Variants in PHACTR1 observed in about 807,000 individuals in gnomAD.
PHACTR1 encodes RPEL repeat containing 1.
Under a neutral mutation model 69.2 loss-of-function variants are expected in PHACTR1, and 16 were observed. The observed-to-expected ratio is 0.23, with a 90% CI of 0.16 to 0.35. The LOEUF is 0.35. Ranked by LOEUF, PHACTR1 falls within the 10% of genes least tolerant of loss-of-function variation. PHACTR1 has a pLI of 1.00. For missense variants in PHACTR1, 510 were observed against 734.7 expected, an observed-to-expected ratio of 0.69 and a Z score of 3.54; for synonymous variants, 312 against 284.5, an observed-to-expected ratio of 1.10 and a Z score of -0.97.
chr6:13,259,024 G>C (rs1775565072), intron 10 of PHACTR1, among the ~76,000 whole-genome samples: 1 of 152,182 alleles, frequency 6.6e-6, no homozygotes, highest in Non-Finnish European at 1.5e-5. Context: ...CAAATCTCCT[G>C]AGTCACTTTA....
At chr6:12,994,402 C>A (rs986804812) in intron 4 of PHACTR1, among the ~76,000 whole-genome samples, 1 of 152,106 alleles carries the variant, frequency 6.6e-6, no homozygotes, top group Admixed American at 6.5e-5. Flanking sequence ...GGCACCCTGT[C>A]TGAAATATTT....
chr6:13,231,636 C>G (rs1465761400), intron 10 of PHACTR1, among the ~76,000 whole-genome samples: 3 of 152,210 alleles, frequency 2.0e-5, no homozygotes, highest in Admixed American at 6.5e-5. Flanking sequence ...TCCACTGGGA[C>G]TCATTTTGAG....
chr6:13,018,192 G>A (rs1489836844), intron 4 of PHACTR1, among the ~76,000 whole-genome samples: 1 of 152,138 alleles, frequency 6.6e-6, no homozygotes, highest in Admixed American at 6.6e-5. Context: ...GAGTTCCTGT[G>A]GATCACATCC....
At chr6:13,188,345 G>A (rs972032660) in intron 7 of PHACTR1, among the ~76,000 whole-genome samples, 3 of 152,154 alleles carry the variant, frequency 2.0e-5, no homozygotes, top group Admixed American at 6.5e-5. Flanking sequence ...ACCCTGTTCT[G>A]TTACTAATTG....
At chr6:12,801,275 G>A (rs1316481249) in intron 4 of PHACTR1, among the ~76,000 whole-genome samples, 1 of 152,180 alleles carries the variant, frequency 6.6e-6, no homozygotes, top group Non-Finnish European at 1.5e-5. Flanking sequence ...TGTTGATAAA[G>A]CCTCATTGTG....
chr6:12,789,465 G>A (rs1771957705), intron 4 of PHACTR1, among the ~76,000 whole-genome samples: 1 of 151,858 alleles, frequency 6.6e-6, no homozygotes, highest in Non-Finnish European at 1.5e-5. Context: ...CTCCCTCAAT[G>A]ATCTCAATTG....
Position 12,933,709 on chromosome 6 carries a change from C to T in PHACTR1, c.251-119656C>T, listed in dbSNP as rs147375626. ...CAACTCTTGGGCGTCCTCTTGGGCTCGAACTGTGTTCCCTGGAAAACCACG... is the reference window on the plus strand; with the variant it reads ...CAACTCTTGGGCGTCCTCTTGGGCTTGAACTGTGTTCCCTGGAAAACCACG... On this transcript the variant is annotated intron_variant, in intron 4 of 14. Transcript: ENST00000332995. The T allele has an allele frequency of 5.5e-5, 89 of 1,612,808 alleles. 1 individual carries two copies. The East Asian group carries it at 9.4e-4, about 17-fold the overall frequency.
At chr6:13,004,868 C>A (rs1798590944) in intron 4 of PHACTR1, among the ~76,000 whole-genome samples, 1 of 152,082 alleles carries the variant, frequency 6.6e-6, no homozygotes, top group African/African-American at 2.4e-5. Context: ...AAGGGAAACA[C>A]CTCAAACCTT....
intron 4 of PHACTR1, among the ~76,000 whole-genome samples, chr6:12,840,354 T>G (rs1778570840): frequency 6.6e-6 from 1 of 152,234 alleles, no homozygotes; most frequent in Admixed American, 6.5e-5. Context: ...GCCATTATCT[T>G]GGCATATCTA....
chr6:13,062,203 G>C (rs1456362655), intron 5 of PHACTR1, among the ~76,000 whole-genome samples: 1 of 152,172 alleles, frequency 6.6e-6, no homozygotes, highest in East Asian at 1.9e-4. Flanking sequence ...TGATGTAATA[G>C]TATGTATGCA....
intron 8 of PHACTR1, among the ~76,000 whole-genome samples, chr6:13,224,548 G>T (rs764716252): frequency 4.6e-5 from 7 of 152,052 alleles, no homozygotes; most frequent in Non-Finnish European, 8.8e-5. Flanking sequence ...CCTTCCTTTC[G>T]GAATGAGAGC....
At chr6:12,723,070 A>G (rs1264241912) in intron 3 of PHACTR1, among the ~76,000 whole-genome samples, 1 of 152,218 alleles carries the variant, frequency 6.6e-6, no homozygotes, top group Non-Finnish European at 1.5e-5. Context: ...ATATTATAAA[A>G]TCACAAAATT....
chr6:12,990,448 T>A (rs1796691072), intron 4 of PHACTR1, among the ~76,000 whole-genome samples: 1 of 152,130 alleles, frequency 6.6e-6, no homozygotes, highest in African/African-American at 2.4e-5. Flanking sequence ...CAGGAATGAA[T>A]TTCACTCGCT....
At chr6:13,077,588 T>A (rs988558401) in intron 5 of PHACTR1, among the ~76,000 whole-genome samples, 2 of 152,212 alleles carry the variant, frequency 1.3e-5, no homozygotes, top group African/African-American at 4.8e-5. Flanking sequence ...TGGAAAGCAG[T>A]AACAGCTACA....
intron 5 of PHACTR1, among the ~76,000 whole-genome samples, chr6:13,080,869 A>C (rs1452540196): frequency 2.6e-5 from 4 of 151,878 alleles, no homozygotes; most frequent in Non-Finnish European, 5.9e-5. Flanking sequence ...TTCGTAAAAG[A>C]AAAAAAAAGT....
intron 4 of PHACTR1, among the ~76,000 whole-genome samples, chr6:13,017,253 A>G (rs1250513003): frequency 6.6e-6 from 1 of 151,720 alleles, no homozygotes; most frequent in Non-Finnish European, 1.5e-5. Flanking sequence ...CCTACCATCA[A>G]GTTGATTTTT....
In PHACTR1 at chr6:12,796,587, C is replaced by T. The variant is rs187508984; in HGVS notation, c.250+46797C>T. ...ATCTTTGATTTTATGGTCGGATTCC[C>T]CACATATCTGCTAGGCATTGGTGTG... On this transcript the variant is annotated intron_variant, in intron 4 of 14. Coordinates refer to ENST00000332995, the MANE Select transcript of PHACTR1 (RefSeq NM_030948.6). Among the ~76,000 whole-genome samples, 72 of 152,234 alleles carry T rather than the reference C, an allele frequency of 4.7e-4. No individual in the cohort carries two copies. In the Middle Eastern group the frequency reaches 0.01, roughly 22 times the overall value.
At chr6:13,167,277 G>A (rs1483730918) in intron 6 of PHACTR1, among the ~76,000 whole-genome samples, 1 of 152,234 alleles carries the variant, frequency 6.6e-6, no homozygotes, top group Non-Finnish European at 1.5e-5. Context: ...TTTGTAGAAT[G>A]TTAGGGATAA....
chr6:12,979,561 C>T (rs1462931089), intron 4 of PHACTR1, among the ~76,000 whole-genome samples: 1 of 152,144 alleles, frequency 6.6e-6, no homozygotes, highest in Non-Finnish European at 1.5e-5. Context: ...AATTAGAATG[C>T]ACCTTCACAT....
Sources: gnomAD v4.1 joint callset for allele counts (sites outside exome capture counted in the v4.1 genomes callset) on GRCh38, gnomAD v4.1.1 for gene constraint, MANE v1.5 for transcripts, NCBI Gene and HGNC (gene_info 2026-07-23, HGNC 2026-07-21) for gene names.